The following GOLPH3 variants were observed in gnomAD, a reference collection of about 807,000 sequenced individuals.
GOLPH3 encodes the protein golgi phosphoprotein 3.
GOLPH3 carries 14 observed loss-of-function variants against 28.5 expected under a neutral mutation model. That is an observed-to-expected ratio of 0.49 (90% confidence interval 0.32 to 0.77). The LOEUF (loss-of-function observed/expected upper bound fraction) is 0.77, where lower values mean the gene tolerates loss of function less well. Ranked by LOEUF, GOLPH3 falls within the 30% of genes least tolerant of loss-of-function variation. The pLI, the probability that GOLPH3 is intolerant of heterozygous loss-of-function variation, is 0.03. For synonymous variants in GOLPH3, 158 were observed against 159.2 expected (o/e 0.99, Z 0.06); for missense variants, 350 against 393.7 (o/e 0.89, Z 0.94).
intron 1 of GOLPH3, among the ~76,000 whole-genome samples, chr5:32,151,174 C>T (rs1321151764): frequency 6.7e-6 from 1 of 150,032 alleles, no homozygotes; most frequent in Non-Finnish European, 1.5e-5. Flanking sequence ...ACTTATATCA[C>T]AGATAAATCT....
rs12054806 is a variant in GOLPH3, at chr5:32,135,630, C to T, written c.414G>A (p.Lys138=). ...CTGGAGGCTGAGTTTCCTTAACATG[C>T]TTCAGAGCTTCATCAAGAAGAACAT... ...TGDVLLDEAL[K]HVKETQPPET... The change falls in exon 3 of 4, where the codon AAG becomes AAA. Residue 138 remains lysine, a synonymous_variant. Transcript: ENST00000265070. 603 of 1,613,866 alleles carry T rather than the reference C, an allele frequency of 3.7e-4. 1 individual carries two copies. In the East Asian group the frequency reaches 0.012, roughly 33 times the overall value.
chr5:32,135,476 G>A, intron 3 of GOLPH3, 96 bp downstream of exon 3: 4 of 729,750 alleles, frequency 5.5e-6, no homozygotes, highest in Non-Finnish European at 9.5e-6. Flanking sequence ...AACTAAACAA[G>A]CTTCTGGCTA....
At chr5:32,159,124 T>G (rs889265813) in intron 1 of GOLPH3, among the ~76,000 whole-genome samples, 6 of 152,214 alleles carry the variant, frequency 3.9e-5, no homozygotes, top group Admixed American at 3.9e-4. Flanking sequence ...CCTGTTTATT[T>G]AATGCATGAT....
At chr5:32,148,049 T>C (rs1746216325) in intron 1 of GOLPH3, among the ~76,000 whole-genome samples, 1 of 152,202 alleles carries the variant, frequency 6.6e-6, no homozygotes, top group South Asian at 2.1e-4. Flanking sequence ...ACTCAGTTAC[T>C]TAGAAAGTAC....
At chr5:32,156,969 G>T (rs1331296042) in intron 1 of GOLPH3, among the ~76,000 whole-genome samples, 1 of 152,224 alleles carries the variant, frequency 6.6e-6, no homozygotes, top group South Asian at 2.1e-4. Context: ...ACTAAATAAT[G>T]ATTGGATTTG....
chr5:32,172,918 T>G (rs1451694797), intron 1 of GOLPH3, among the ~76,000 whole-genome samples: 1 of 152,210 alleles, frequency 6.6e-6, no homozygotes, highest in African/African-American at 2.4e-5. Context: ...CAAAACGTCA[T>G]AGAATCTAGA....
chr5:32,139,945 T>C (rs1016718965), intron 2 of GOLPH3, among the ~76,000 whole-genome samples: 1 of 152,042 alleles, frequency 6.6e-6, no homozygotes, highest in African/African-American at 2.4e-5. Context: ...CACAATAAAA[T>C]CTCAACAGAA....
intron 3 of GOLPH3, among the ~76,000 whole-genome samples, chr5:32,134,114 T>C (rs1745883169): frequency 6.6e-6 from 1 of 152,190 alleles, no homozygotes; most frequent in Non-Finnish European, 1.5e-5. Flanking sequence ...TTCATGCTTA[T>C]AGTCCCAGGG....
At chr5:32,160,958 T>C (rs1171156352) in intron 1 of GOLPH3, among the ~76,000 whole-genome samples, 1 of 149,672 alleles carries the variant, frequency 6.7e-6, no homozygotes, top group Non-Finnish European at 1.5e-5. Context: ...TCCCAGCTAC[T>C]CGGGAGGCTG....
chr5:32,128,596 G>A lies in GOLPH3; in HGVS notation c.473-1960C>T, dbSNP rs1170588740. On this transcript the variant is annotated intron_variant, in intron 3 of 3. Transcript: ENST00000265070. ...ATCATTTAAACCGGGGGAGGGCAGA[G>A]GTTGCAGTGAGCCGAGATCGTGCCA... 2.0e-5 allele frequency among the ~76,000 whole-genome samples: 3 copies of A among 152,084 alleles called. No individual in the cohort carries two copies. The East Asian group carries it at 5.8e-4, about 29-fold the overall frequency.
In GOLPH3 at chr5:32,174,044, C is replaced by T; in HGVS notation, c.-10G>A. 1 of 1,273,298 alleles carries T rather than the reference C, an allele frequency of 7.9e-7. No homozygotes were observed. The highest frequency in any genetic ancestry group is 9.8e-7 in the Non-Finnish European group (1 of 1,015,454). 78.9% of individuals were successfully genotyped at this position (1,273,298 alleles called of 1,614,324 possible). A position where few individuals can be genotyped will look rare whatever the true frequency, so the allele number is the denominator to read the frequency against. Reference sequence around the variant, plus strand: ...GGGTCAGCGAGGTCATGGCTCCCGCCGAGGCGCCGAGCCGGGCCGAGAGGG... The same window carrying T: ...GGGTCAGCGAGGTCATGGCTCCCGCTGAGGCGCCGAGCCGGGCCGAGAGGG... On this transcript the variant is annotated 5_prime_UTR_variant, in exon 1 of 4. Coordinates refer to ENST00000265070, the MANE Select transcript of GOLPH3 (RefSeq NM_022130.4).
chr5:32,152,945 T>A (rs1419785674), intron 1 of GOLPH3, among the ~76,000 whole-genome samples: 1 of 152,186 alleles, frequency 6.6e-6, no homozygotes, highest in Non-Finnish European at 1.5e-5. Flanking sequence ...CACATAGATT[T>A]ACCCTTTAAC....
At chr5:32,131,595 T>A (rs1745826299) in intron 3 of GOLPH3, among the ~76,000 whole-genome samples, 1 of 152,250 alleles carries the variant, frequency 6.6e-6, no homozygotes, top group South Asian at 2.1e-4. Flanking sequence ...CCTCAGTCCC[T>A]AAATTATTCA....
chr5:32,171,377 C>T (rs1308635965), intron 1 of GOLPH3, among the ~76,000 whole-genome samples: 1 of 152,042 alleles, frequency 6.6e-6, no homozygotes, highest in Non-Finnish European at 1.5e-5. Context: ...CCACATTTGG[C>T]CCGCGGGTTG....
At chr5:32,131,790 TA>T (rs1227777060) in intron 3 of GOLPH3, among the ~76,000 whole-genome samples, 4 of 152,212 alleles carry the variant, frequency 2.6e-5, no homozygotes, top group African/African-American at 9.7e-5. Context: ...TGCTGACAGG[TA>T]CCTAAATCAT....
intron 1 of GOLPH3, among the ~76,000 whole-genome samples, chr5:32,172,920 G>T (rs576635268): frequency 4.6e-4 from 70 of 152,302 alleles, no homozygotes; most frequent in African/African-American, 1.6e-3. Context: ...AAACGTCATA[G>T]AATCTAGAAA....
At chr5:32,156,278 G>A (rs1386033871) in intron 1 of GOLPH3, among the ~76,000 whole-genome samples, 2 of 151,960 alleles carry the variant, frequency 1.3e-5, no homozygotes, top group Non-Finnish European at 2.9e-5. Context: ...TGGGCGGATC[G>A]CCTGAGGTCA....
intron 1 of GOLPH3, among the ~76,000 whole-genome samples, chr5:32,166,152 G>A (rs1303184525): frequency 6.6e-6 from 1 of 152,086 alleles, no homozygotes; most frequent in Non-Finnish European, 1.5e-5. Flanking sequence ...TCCATTAAAG[G>A]AATATGTAAA....
At position 32,126,593 on chromosome 5, in the gene GOLPH3, A is replaced by G. The variant is rs1002311453; in HGVS notation, c.516T>C (p.Asn172=). The G allele has an allele frequency of 3.1e-6, 5 of 1,613,590 alleles. No homozygotes were observed. The African/African-American group carries it at 5.3e-5, about 17-fold the overall frequency. Residue 172 remains asparagine, a synonymous_variant, in exon 4 of 4, where the codon AAT becomes AAC. Transcript: ENST00000265070. ...GGTTTTTAGCTAATCGTTCCCGTAC[A>G]TTTCTTAACTGATAATGCAATTTTA... is the stretch of plus-strand genomic sequence containing the variant. ...NPLKLHYQLR[N]VRERLAKNLV...
Sources: gnomAD v4.1 joint callset for allele counts (sites outside exome capture counted in the v4.1 genomes callset) on GRCh38, gnomAD v4.1.1 for gene constraint, MANE v1.5 for transcripts, NCBI Gene and HGNC (gene_info 2026-07-23, HGNC 2026-07-21) for gene names.